PMFBP1: variants seen among roughly 807,000 people sequenced by gnomAD.
PMFBP1 encodes polyamine modulated factor 1 binding protein 1.
A neutral mutation model predicts 137.8 loss-of-function variants in PMFBP1; 131 were observed. The ratio of observed to expected loss-of-function variants is 0.95; its 90% CI spans 0.82 to 1.10. The LOEUF (loss-of-function observed/expected upper bound fraction) is 1.10, where lower values mean the gene tolerates loss of function less well. Among genes scored for constraint, PMFBP1 ranks in the 50% least tolerant of loss-of-function variants. PMFBP1 has a pLI of 0.00. For synonymous variants in PMFBP1, 490 were observed against 450.4 expected (o/e 1.09, Z -1.11); for missense variants, 1,199 against 1,175.4 (o/e 1.02, Z -0.29).
At chr16:72,148,192 A>G (rs932633523) in intron 5 of PMFBP1, among the ~76,000 whole-genome samples, 8 of 152,188 alleles carry the variant, frequency 5.3e-5, no homozygotes, top group Non-Finnish European at 1.2e-4. Context: ...ATGCAGCCAT[A>G]AAAAAGGATG....
chr16:72,127,615 T>C (rs1224412246), intron 14 of PMFBP1, among the ~76,000 whole-genome samples: 1 of 152,222 alleles, frequency 6.6e-6, no homozygotes, highest in Non-Finnish European at 1.5e-5. Context: ...AGAAAGATTC[T>C]AAAAATCTAC....
Position 72,132,988 on chromosome 16 carries a change from GGAACT to G in PMFBP1, c.1204-2_1206del. 1.2e-6 allele frequency: 2 copies of G among 1,614,024 alleles called. No individual in the cohort carries two copies. The highest frequency in any genetic ancestry group is 8.5e-7 in the Non-Finnish European group (1 of 1,179,996). ...TGCAGCATCTCATCTTTCTCTTGGA[GGAACT>G]GAAGACAGCAAAATGCAAATGCTGG... On this transcript the variant is annotated splice_acceptor_variant and coding_sequence_variant, in exon 10 of 21. Coordinates refer to ENST00000237353, the MANE Select transcript of PMFBP1 (RefSeq NM_031293.3). LOFTEE classifies it high-confidence loss of function.
chr16:72,179,948 C>T (rs1413774569), upstream of PMFBP1, among the ~76,000 whole-genome samples: 3 of 152,152 alleles, frequency 2.0e-5, no homozygotes, highest in Non-Finnish European at 4.4e-5. Flanking sequence ...ACCACATCTC[C>T]TACTTGGTGT....
intron 7 of PMFBP1, among the ~76,000 whole-genome samples, chr16:72,138,715 C>A (rs2042670558): frequency 6.6e-6 from 1 of 151,848 alleles, no homozygotes; most frequent in Admixed American, 6.6e-5. Flanking sequence ...GGAGTTTCAC[C>A]AAGTTGGCCA....
At chr16:72,159,651 G>T (rs1474884045) in intron 3 of PMFBP1, among the ~76,000 whole-genome samples, 2 of 152,192 alleles carry the variant, frequency 1.3e-5, no homozygotes, top group African/African-American at 4.8e-5. Context: ...ACTTATTTGA[G>T]ACCAGTTAAA....
the PMFBP1 span, among the ~76,000 whole-genome samples, chr16:72,199,296 TAAAGTG>T: frequency 2.0e-5 from 3 of 152,218 alleles, no homozygotes; most frequent in South Asian, 6.2e-4. Flanking sequence ...CTTGAAGAGC[TAAAGTG>T]AAGACAATGC....
chr16:72,197,672 T>G, the PMFBP1 span, among the ~76,000 whole-genome samples: 1 of 152,174 alleles, frequency 6.6e-6, no homozygotes, highest in Non-Finnish European at 1.5e-5. Flanking sequence ...ACCCACCCAG[T>G]GAGAGCTCCC....
chr16:72,176,866 A>T (rs2043261144), upstream of PMFBP1: 1 of 152,220 alleles, frequency 6.6e-6, no homozygotes, highest in Admixed American at 6.5e-5. Flanking sequence ...TACATTTTGG[A>T]ACCCCTGTTT....
chr16:72,241,177 G>A, the PMFBP1 span, among the ~76,000 whole-genome samples: 2 of 152,026 alleles, frequency 1.3e-5, no homozygotes, highest in African/African-American at 4.8e-5. Flanking sequence ...GACAGATAAA[G>A]CACCTGCAGG....
At chr16:72,127,798 C>A (rs1227697350) in intron 14 of PMFBP1, among the ~76,000 whole-genome samples, 1 of 152,206 alleles carries the variant, frequency 6.6e-6, no homozygotes, top group Non-Finnish European at 1.5e-5. Context: ...CTCAGACATA[C>A]AACTTTTCCA....
the PMFBP1 span, among the ~76,000 whole-genome samples, chr16:72,214,150 G>A: frequency 6.6e-6 from 1 of 152,036 alleles, no homozygotes; most frequent in Admixed American, 6.6e-5. Context: ...GCAGAACTAG[G>A]ACAGTACATG....
chr16:72,230,809 G>A, the PMFBP1 span, among the ~76,000 whole-genome samples: 1 of 152,068 alleles, frequency 6.6e-6, no homozygotes, highest in African/African-American at 2.4e-5. Context: ...GATTAACACA[G>A]TGACCTCCCA....
At chr16:72,236,251 T>C in the PMFBP1 span, among the ~76,000 whole-genome samples, 1 of 152,178 alleles carries the variant, frequency 6.6e-6, no homozygotes, top group Admixed American at 6.6e-5. Flanking sequence ...TGTTTTTGAA[T>C]TCAAAAGTTG....
At chr16:72,175,605 T>G (rs564481110), upstream of PMFBP1, among the ~76,000 whole-genome samples, 1 of 152,316 alleles carries the variant, frequency 6.6e-6, no homozygotes, top group South Asian at 2.1e-4. Flanking sequence ...TTTTTCCTAA[T>G]CTAAAACATG....
At chr16:72,181,694 A>G (rs2043276731), upstream of PMFBP1, among the ~76,000 whole-genome samples, 1 of 152,268 alleles carries the variant, frequency 6.6e-6, no homozygotes. Flanking sequence ...CATATTCATT[A>G]TAAAATAAAG....
At chr16:72,184,944 C>A in the PMFBP1 span, among the ~76,000 whole-genome samples, 17 of 152,270 alleles carry the variant, frequency 1.1e-4, no homozygotes, top group East Asian at 3.3e-3. Flanking sequence ...TTGCCTAAAG[C>A]CTTTTAATAA....
At chr16:72,235,020 T>G in the PMFBP1 span, among the ~76,000 whole-genome samples, 2 of 152,214 alleles carry the variant, frequency 1.3e-5, no homozygotes, top group Non-Finnish European at 2.9e-5. Flanking sequence ...GATGGCGTAC[T>G]TTGAAGCACA....
the PMFBP1 span, among the ~76,000 whole-genome samples, chr16:72,247,406 T>C: frequency 6.6e-6 from 1 of 152,338 alleles, no homozygotes; most frequent in South Asian, 2.1e-4. Flanking sequence ...TAACACAAGC[T>C]TCAGCTACAA....
the PMFBP1 span, among the ~76,000 whole-genome samples, chr16:72,239,920 A>AGAG: frequency 6.7e-6 from 1 of 150,284 alleles, no homozygotes; most frequent in Non-Finnish European, 1.5e-5. Flanking sequence ...AAAAAAAAGA[A>AGAG]TGTTCCTGTT....
Sources: allele counts gnomAD v4.1 joint callset (sites outside exome capture counted in the v4.1 genomes callset), GRCh38; gene constraint gnomAD v4.1.1; transcripts MANE v1.5; gene names NCBI Gene and HGNC (gene_info 2026-07-23, HGNC 2026-07-21).